HAPSTR1: variants seen among roughly 807,000 people sequenced by gnomAD.
HAPSTR1 encodes HUWE1 associated protein modifying stress responses, also known as HUWE1-associated protein modifying stress responses 1.
At chr16:9,092,612 G>A in the HAPSTR1 span, among the ~76,000 whole-genome samples, 1 of 152,090 alleles carries the variant, frequency 6.6e-6, no homozygotes, top group Non-Finnish European at 1.5e-5. Context: ...ACGGCGGGGC[G>A]GCCCCATTGT....
At chr16:9,095,753 A>G in the HAPSTR1 span, among the ~76,000 whole-genome samples, 1 of 152,160 alleles carries the variant, frequency 6.6e-6, no homozygotes, top group South Asian at 2.1e-4. Flanking sequence ...TTTGGAAGAT[A>G]ATGTAAATGT....
At chr16:9,100,820 C>T in the HAPSTR1 span, among the ~76,000 whole-genome samples, 1 of 152,272 alleles carries the variant, frequency 6.6e-6, no homozygotes, top group South Asian at 2.1e-4. Context: ...CAGGCATGAG[C>T]CACCATGCCT....
chr16:9,100,567 T>C, the HAPSTR1 span, among the ~76,000 whole-genome samples: 1 of 152,158 alleles, frequency 6.6e-6, no homozygotes, highest in Non-Finnish European at 1.5e-5. Context: ...AGAGTCTTAC[T>C]CTTTCGCCCA....
chr16:9,091,679 A>G, the HAPSTR1 span: 3 of 398,804 alleles, frequency 7.5e-6, no homozygotes, highest in South Asian at 1.3e-4. Flanking sequence ...GTGCAGGCCG[A>G]GCTGCGCGGA....
chr16:9,115,788 A>G, the HAPSTR1 span, among the ~76,000 whole-genome samples: 2 of 151,710 alleles, frequency 1.3e-5, no homozygotes, highest in Non-Finnish European at 2.9e-5. Flanking sequence ...TAATTTTTGT[A>G]TTTTTTAGTA....
At chr16:9,102,463 A>G in the HAPSTR1 span, among the ~76,000 whole-genome samples, 1 of 152,230 alleles carries the variant, frequency 6.6e-6, no homozygotes, top group Non-Finnish European at 1.5e-5. Flanking sequence ...AGGGAAATGA[A>G]TAAAGCTTTT....
chr16:9,098,326 T>TC, the HAPSTR1 span, among the ~76,000 whole-genome samples: 1 of 152,034 alleles, frequency 6.6e-6, no homozygotes, highest in Non-Finnish European at 1.5e-5. Flanking sequence ...AGAGCGAAAA[T>TC]CCATCACACA....
At chr16:9,103,441 C>G in the HAPSTR1 span, 2 of 617,088 alleles carry the variant, frequency 3.2e-6, no homozygotes, top group Non-Finnish European at 2.7e-6. Flanking sequence ...TGTCAGCTAA[C>G]CTATCCTAGA....
At chr16:9,120,525 T>G in the HAPSTR1 span, 1 of 151,996 alleles carries the variant, frequency 6.6e-6, no homozygotes, top group African/African-American at 2.4e-5. Context: ...GACAGTAGCC[T>G]GTGACGTAGC....
At chr16:9,095,629 A>AT in the HAPSTR1 span, among the ~76,000 whole-genome samples, 5 of 151,928 alleles carry the variant, frequency 3.3e-5, no homozygotes, top group African/African-American at 1.2e-4. Context: ...ACCTTCATTA[A>AT]GAAGGTCAGG....
chr16:9,111,635 A>C, the HAPSTR1 span: 18 of 152,156 alleles, frequency 1.2e-4, no homozygotes, highest in African/African-American at 4.3e-4. Context: ...ATTGCAGTGA[A>C]AAGGGCCATG....
the HAPSTR1 span, among the ~76,000 whole-genome samples, chr16:9,114,679 A>G: frequency 6.6e-6 from 1 of 152,210 alleles, no homozygotes; most frequent in African/African-American, 2.4e-5. Flanking sequence ...CCCTAGGACC[A>G]ACCTGAAGCC....
the HAPSTR1 span, chr16:9,092,982 C>G: frequency 8.7e-6 from 14 of 1,611,782 alleles, no homozygotes; most frequent in South Asian, 1.5e-4. Context: ...CAGCCACCGC[C>G]GTCACCAATC....
At chr16:9,099,999 T>C in the HAPSTR1 span, among the ~76,000 whole-genome samples, 4 of 152,232 alleles carry the variant, frequency 2.6e-5, no homozygotes, top group South Asian at 6.2e-4. Context: ...CAATTGGACT[T>C]GGTTTTCAGA....
At chr16:9,092,994 C>G in the HAPSTR1 span, 4 of 1,610,198 alleles carry the variant, frequency 2.5e-6, no homozygotes, top group East Asian at 2.2e-5. Context: ...TCACCAATCT[C>G]TACAAAGGTA....
chr16:9,112,831 A>G, the HAPSTR1 span: 1 of 152,210 alleles, frequency 6.6e-6, no homozygotes, highest in Admixed American at 6.5e-5. Context: ...CTAATCATTT[A>G]AAATGGATAC....
the HAPSTR1 span, among the ~76,000 whole-genome samples, chr16:9,099,026 A>G: frequency 6.6e-6 from 1 of 152,164 alleles, no homozygotes; most frequent in Non-Finnish European, 1.5e-5. Flanking sequence ...TTTGGTCTTC[A>G]GAATCAATAT....
At chr16:9,116,035 A>G in the HAPSTR1 span, among the ~76,000 whole-genome samples, 1 of 152,180 alleles carries the variant, frequency 6.6e-6, no homozygotes, top group African/African-American at 2.4e-5. Flanking sequence ...ATATCTACCA[A>G]ATACATTCCA....
the HAPSTR1 span, chr16:9,117,061 C>T: frequency 8.4e-7 from 1 of 1,194,112 alleles, no homozygotes. Flanking sequence ...AAAGGAAGTT[C>T]TAGGTATTTA....
Sources: allele counts gnomAD v4.1 joint callset (sites outside exome capture counted in the v4.1 genomes callset), GRCh38; gene constraint gnomAD v4.1.1; transcripts MANE v1.5; gene names NCBI Gene and HGNC (gene_info 2026-07-23, HGNC 2026-07-21).